The following SOX6 variants were observed in gnomAD, a reference collection of about 807,000 sequenced individuals.
The protein encoded by SOX6 is SRY-box transcription factor 6.
A neutral mutation model predicts 97.8 loss-of-function variants in SOX6; 11 were observed. The ratio of observed to expected loss-of-function variants is 0.11; its 90% CI spans 0.07 to 0.19. The LOEUF (loss-of-function observed/expected upper bound fraction) is 0.19, where lower values mean the gene tolerates loss of function less well. SOX6 is among the 10% of genes least tolerant of loss of function. SOX6 has a pLI of 1.00. For synonymous variants in SOX6, 360 were observed against 371.4 expected, an observed-to-expected ratio of 0.97 and a Z score of 0.35; for missense variants, 810 against 1,039.5, an observed-to-expected ratio of 0.78 and a Z score of 3.04.
At chr11:16,429,160 A>T (rs191922547) in intron 1 of SOX6, among the ~76,000 whole-genome samples, 30 of 152,310 alleles carry the variant, frequency 2.0e-4, no homozygotes, top group African/African-American at 7.2e-4. Context: ...ACTATTATTA[A>T]AAAGTCAAAA....
intron 1 of SOX6, among the ~76,000 whole-genome samples, chr11:16,467,211 T>C (rs574702729): frequency 6.6e-6 from 1 of 152,278 alleles, no homozygotes; most frequent in East Asian, 1.9e-4. Context: ...AGTTTAACCA[T>C]TGTGGAAGAC....
intron 12 of SOX6, among the ~76,000 whole-genome samples, chr11:16,041,001 C>T (rs1387036330): frequency 2.0e-5 from 3 of 152,012 alleles, no homozygotes; most frequent in East Asian, 3.9e-4. Flanking sequence ...GAATTTCTTC[C>T]CTTACTGCAA....
In SOX6 at chr11:16,029,026, C is replaced by T. The variant is rs879681790; in HGVS notation, c.1624-13976G>A. On this transcript the variant is annotated intron_variant, in intron 12 of 15. Transcript: ENST00000683767. Reference sequence around the variant, plus strand: ...TTGTAGGTCATACCAGCAAGGGTAGCGACTGCACCAACTTTATTTCTCAAA... The same window carrying T: ...TTGTAGGTCATACCAGCAAGGGTAGTGACTGCACCAACTTTATTTCTCAAA... Among the ~76,000 whole-genome samples, 3 of 152,220 alleles carry T rather than the reference C, an allele frequency of 2.0e-5. 1 individual carries two copies. The highest frequency in any genetic ancestry group is 6.8e-3 in the Middle Eastern group (2 of 294).
intron 4 of SOX6, among the ~76,000 whole-genome samples, chr11:16,533,432 A>G (rs1590235773): frequency 6.6e-6 from 1 of 152,100 alleles, no homozygotes; most frequent in East Asian, 1.9e-4. Context: ...CTGAGAAGTC[A>G]TATTCTGAAA....
intron 2 of SOX6, among the ~76,000 whole-genome samples, chr11:16,719,673 C>T (rs1306503919): frequency 6.6e-6 from 1 of 152,142 alleles, no homozygotes; most frequent in Admixed American, 6.5e-5. Context: ...CCTGTAATGC[C>T]AACATTTTGG....
At chr11:16,042,908 A>C (rs1470401523) in intron 12 of SOX6, among the ~76,000 whole-genome samples, 1 of 152,164 alleles carries the variant, frequency 6.6e-6, no homozygotes, top group Non-Finnish European at 1.5e-5. Context: ...AGTTGTGATC[A>C]GTAGGTAATC....
At chr11:16,129,953 A>G (rs768727499) in intron 6 of SOX6, among the ~76,000 whole-genome samples, 35 of 152,032 alleles carry the variant, frequency 2.3e-4, no homozygotes, top group Non-Finnish European at 4.1e-4. Flanking sequence ...GGATTTCCTC[A>G]TCAGTCCAAT....
chr11:16,548,407 G>C lies in SOX6; in HGVS notation n.609+63674C>G, dbSNP rs78503621. ...CAATTTTTAATATCTTCAAAAGATA[G>C]TCGTGAATAATTGGAGCTCCATAGG... On this transcript the variant is annotated intron_variant and non_coding_transcript_variant, in intron 4 of 5. Coordinates refer to the SOX6 transcript ENST00000524520. Among the ~76,000 whole-genome samples, 36 of 152,244 alleles carry C rather than the reference G, an allele frequency of 2.4e-4. No individual in the cohort carries two copies. In the East Asian group the frequency reaches 5.2e-3, roughly 22 times the overall value.
intron 1 of SOX6, among the ~76,000 whole-genome samples, chr11:16,429,741 C>G (rs1182461693): frequency 6.6e-6 from 1 of 151,934 alleles, no homozygotes; most frequent in Non-Finnish European, 1.5e-5. Flanking sequence ...GGCTTAATAC[C>G]TGGGTAATAA....
intron 3 of SOX6, among the ~76,000 whole-genome samples, chr11:16,296,322 C>T (rs1855087855): frequency 6.6e-6 from 1 of 152,018 alleles, no homozygotes; most frequent in Non-Finnish European, 1.5e-5. Context: ...TCACAACACC[C>T]CAGTTTCCCT....
At chr11:16,509,289 C>G (rs1242896334) in intron 4 of SOX6, among the ~76,000 whole-genome samples, 1 of 151,822 alleles carries the variant, frequency 6.6e-6, no homozygotes, top group Non-Finnish European at 1.5e-5. Flanking sequence ...ATTTAACCTT[C>G]TTAATAATGA....
At chr11:16,343,577 T>C (rs1243176620) in intron 1 of SOX6, among the ~76,000 whole-genome samples, 7 of 151,938 alleles carry the variant, frequency 4.6e-5, no homozygotes, top group African/African-American at 1.7e-4. Context: ...GAGTTGAGTT[T>C]AAAGGATGGT....
intron 4 of SOX6, among the ~76,000 whole-genome samples, chr11:16,209,707 C>T (rs1338614914): frequency 1.3e-5 from 2 of 151,896 alleles, no homozygotes; most frequent in African/African-American, 4.8e-5. Flanking sequence ...GAGCTAAGCT[C>T]GTACCACAGC....
At chr11:16,409,308 C>A in intron 1 of SOX6, among the ~76,000 whole-genome samples, 1 of 145,932 alleles carries the variant, frequency 6.9e-6, no homozygotes. Context: ...AAAAAACAGG[C>A]AGAGGATTGG....
At chr11:16,636,109 G>C (rs1369162786) in intron 3 of SOX6, among the ~76,000 whole-genome samples, 2 of 152,138 alleles carry the variant, frequency 1.3e-5, no homozygotes, top group African/African-American at 4.8e-5. Flanking sequence ...CCAGACTTCA[G>C]AATGGTAAAC....
At chr11:16,323,628 G>C (rs1374611875) in intron 2 of SOX6, among the ~76,000 whole-genome samples, 2 of 152,034 alleles carry the variant, frequency 1.3e-5, no homozygotes, top group Non-Finnish European at 2.9e-5. Context: ...AAGCACCCCT[G>C]ACTATACTGG....
chr11:16,393,279 A>G (rs759919488), intron 1 of SOX6, among the ~76,000 whole-genome samples: 1 of 152,072 alleles, frequency 6.6e-6, no homozygotes, highest in Non-Finnish European at 1.5e-5. Context: ...AAAGAGTAAG[A>G]AACTGAATTT....
At chr11:16,343,231 A>T in intron 1 of SOX6, among the ~76,000 whole-genome samples, 1 of 151,980 alleles carries the variant, frequency 6.6e-6, no homozygotes, top group East Asian at 1.9e-4. Flanking sequence ...GTGATTTCCT[A>T]TTTCAGATAC....
intron 4 of SOX6, among the ~76,000 whole-genome samples, chr11:16,526,750 T>G (rs1861172722): frequency 6.6e-6 from 1 of 152,034 alleles, no homozygotes; most frequent in South Asian, 2.1e-4. Flanking sequence ...GTATATCAAT[T>G]TTACTTAAAA....
Sources: gnomAD v4.1 joint callset for allele counts (sites outside exome capture counted in the v4.1 genomes callset) on GRCh38, gnomAD v4.1.1 for gene constraint, MANE v1.5 for transcripts, NCBI Gene and HGNC (gene_info 2026-07-23, HGNC 2026-07-21) for gene names.